NEK1: variants seen among roughly 807,000 people sequenced by gnomAD.
NEK1 encodes serine/threonine-protein kinase Nek1.
A neutral mutation model predicts 182.1 loss-of-function variants in NEK1; 137 were observed. The ratio of observed to expected loss-of-function variants is 0.75; its 90% confidence interval spans 0.65 to 0.87. The LOEUF (loss-of-function observed/expected upper bound fraction) is 0.87. Among genes scored for constraint, NEK1 ranks in the 40% least tolerant of loss-of-function variants. The pLI is 0.00. For synonymous variants in NEK1, 513 were observed against 492.2 expected, an observed-to-expected ratio of 1.04 and a Z score of -0.56; for missense variants, 1,391 against 1,494.4, an observed-to-expected ratio of 0.93 and a Z score of 1.14.
At chr4:169,427,790 C>T (rs1368603679) in intron 29 of NEK1, among the ~76,000 whole-genome samples, 1 of 151,950 alleles carries the variant, frequency 6.6e-6, no homozygotes, top group African/African-American at 2.4e-5. Flanking sequence ...GCCACCATGT[C>T]CAGCCTCTGT....
intron 5 of NEK1, among the ~76,000 whole-genome samples, chr4:169,597,589 T>C (rs539972673): frequency 6.2e-4 from 94 of 152,290 alleles, no homozygotes; most frequent in African/African-American, 2.2e-3. Flanking sequence ...TGAGCTGTGA[T>C]GGTGCCACTG....
intron 19 of NEK1, among the ~76,000 whole-genome samples, chr4:169,515,209 T>C (rs867556206): frequency 7.9e-5 from 12 of 152,220 alleles, no homozygotes; most frequent in Non-Finnish European, 1.3e-4. Context: ...TAATTCAGTA[T>C]ATTATCTTGA....
intron 27 of NEK1, among the ~76,000 whole-genome samples, chr4:169,462,835 A>G (rs1319443347): frequency 6.6e-6 from 1 of 152,150 alleles, no homozygotes; most frequent in Non-Finnish European, 1.5e-5. Flanking sequence ...CTCCTGCCTC[A>G]TGACAACTCT....
chr4:169,440,554 C>T (rs909506610), intron 27 of NEK1, among the ~76,000 whole-genome samples: 12 of 152,116 alleles, frequency 7.9e-5, no homozygotes, highest in African/African-American at 2.7e-4. Flanking sequence ...GATAATAACA[C>T]ATTGAATAGA....
chr4:169,486,608 T>C (rs2149588386), intron 23 of NEK1, among the ~76,000 whole-genome samples: 1 of 152,342 alleles, frequency 6.6e-6, no homozygotes, highest in Non-Finnish European at 1.5e-5. Context: ...ATATTTAATG[T>C]CTCAAAACCT....
chr4:169,551,479 A>G (rs537365934), intron 18 of NEK1, among the ~76,000 whole-genome samples: 1 of 152,312 alleles, frequency 6.6e-6, no homozygotes, highest in African/African-American at 2.4e-5. Context: ...ATACTAGGGG[A>G]TTTGTTAGAT....
At chr4:169,544,368 C>T (rs182695603) in intron 18 of NEK1, among the ~76,000 whole-genome samples, 27 of 152,226 alleles carry the variant, frequency 1.8e-4, no homozygotes, top group African/African-American at 6.5e-4. Flanking sequence ...ACTCAGTTTG[C>T]CAGTATTTTA....
chr4:169,521,813 A>G (rs186163767), intron 19 of NEK1, among the ~76,000 whole-genome samples: 1 of 152,294 alleles, frequency 6.6e-6, no homozygotes, highest in Admixed American at 6.5e-5. Flanking sequence ...AAATTGGTGT[A>G]CTTTCATATG....
chr4:169,443,051 T>TTATCTATCTATC (rs58470007), intron 27 of NEK1, among the ~76,000 whole-genome samples: 10,421 of 141,684 alleles, frequency 0.074, 463 homozygotes, highest in African/African-American at 0.088. Context: ...TAAAAATATT[T>TTATCTATCTATC]TATCTATCTA....
intron 27 of NEK1, among the ~76,000 whole-genome samples, chr4:169,460,154 C>T (rs2149492767): frequency 6.6e-6 from 1 of 152,080 alleles, no homozygotes; most frequent in African/African-American, 2.4e-5. Context: ...CTGTACTTTT[C>T]ACTCAATTTT....
intron 16 of NEK1, 68 bp from the exon 17 acceptor site, chr4:169,556,163 A>T: frequency 7.2e-7 from 1 of 1,395,494 alleles, no homozygotes; most frequent in South Asian, 1.4e-5. Context: ...ACTAGTCTCA[A>T]AAGAAAAAGT....
At chr4:169,534,085 T>C (rs1222766513) in intron 19 of NEK1, among the ~76,000 whole-genome samples, 4 of 152,220 alleles carry the variant, frequency 2.6e-5, no homozygotes, top group Non-Finnish European at 5.9e-5. Context: ...AAGCAGAACC[T>C]TTAAAGTTCT....
chr4:169,599,327 G>C, intron 4 of NEK1, 130 bp from the exon 5 acceptor site: 1 of 607,480 alleles, frequency 1.6e-6, no homozygotes, highest in Non-Finnish European at 2.8e-6. Context: ...AAAAGAATTA[G>C]GGCACAAAGT....
chr4:169,525,658 G>GT (rs543985666), intron 19 of NEK1, among the ~76,000 whole-genome samples: 4 of 151,944 alleles, frequency 2.6e-5, no homozygotes, highest in South Asian at 4.2e-4. Flanking sequence ...TACTACTATG[G>GT]TAAGAGTTGA....
rs979881616 is a variant in NEK1, at chr4:169,436,764, A to C, written c.2764+1319T>G. 2.6e-5 allele frequency among the ~76,000 whole-genome samples: 4 copies of C among 152,238 alleles called. No homozygotes were observed. In the South Asian group the frequency reaches 8.3e-4, roughly 31 times the overall value. ...CAAAGATGAAGTCAAGGTTGTGCAC[A>C]TAAGATCTGTTACAGCACAGAAAGA... On this transcript the variant is annotated intron_variant, in intron 28 of 35. Coordinates refer to ENST00000507142, the MANE Select transcript of NEK1 (RefSeq NM_001199397.3).
chr4:169,449,341 T>TA (rs1375738101), intron 27 of NEK1, among the ~76,000 whole-genome samples: 2 of 152,192 alleles, frequency 1.3e-5, no homozygotes, highest in African/African-American at 4.8e-5. Flanking sequence ...TGAGAAAAGA[T>TA]AGACTGCCTC....
At chr4:169,486,500 G>C (rs1057446464) in intron 23 of NEK1, among the ~76,000 whole-genome samples, 1 of 152,142 alleles carries the variant, frequency 6.6e-6, no homozygotes, top group Non-Finnish European at 1.5e-5. Flanking sequence ...TGTATGCTAG[G>C]AAAGTATTAA....
chr4:169,591,575 T>C (rs1223334344), intron 5 of NEK1, among the ~76,000 whole-genome samples: 1 of 152,108 alleles, frequency 6.6e-6, no homozygotes, highest in African/African-American at 2.4e-5. Context: ...ATTTATTATA[T>C]ATAAACACTC....
At chr4:169,603,769 G>A (rs539870584) in intron 2 of NEK1, among the ~76,000 whole-genome samples, 5 of 145,040 alleles carry the variant, frequency 3.4e-5, no homozygotes, top group Admixed American at 2.8e-4. Flanking sequence ...GCAGTCACAC[G>A]ATCTCGGCTC....
Sources: gnomAD v4.1 joint callset for allele counts (sites outside exome capture counted in the v4.1 genomes callset) on GRCh38, gnomAD v4.1.1 for gene constraint, MANE v1.5 for transcripts, NCBI Gene and HGNC (gene_info 2026-07-23, HGNC 2026-07-21) for gene names.